The following MAPK4 variants were observed in gnomAD, a reference collection of about 807,000 sequenced individuals.
MAPK4 encodes Erk3-related.
A neutral mutation model predicts 47.7 loss-of-function variants in MAPK4; 22 were observed. That is an observed-to-expected ratio of 0.46 (90% CI 0.33 to 0.66). MAPK4 has a LOEUF of 0.66. MAPK4 is among the 30% of genes least tolerant of loss of function. The pLI, the probability that MAPK4 is intolerant of heterozygous loss-of-function variation, is 0.02. For synonymous variants in MAPK4, 390 were observed against 365.7 expected (o/e 1.07, Z -0.76); for missense variants, 736 against 831.7 (o/e 0.88, Z 1.42).
intron 4 of MAPK4, among the ~76,000 whole-genome samples, chr18:50,724,302 G>A (rs796103612): frequency 1.8e-4 from 27 of 152,268 alleles, no homozygotes; most frequent in African/African-American, 6.3e-4. Flanking sequence ...TCCTGCCTTG[G>A]CCTCCCAAAG....
At chr18:50,671,884 T>C (rs1907975629) in intron 2 of MAPK4, among the ~76,000 whole-genome samples, 1 of 142,916 alleles carries the variant, frequency 7.0e-6, no homozygotes, top group Admixed American at 7.0e-5. Flanking sequence ...AGTGAGACCC[T>C]GACTCAAAAA....
Position 50,582,765 on chromosome 18 carries a change from A to G in MAPK4, c.-871+22522A>G, listed in dbSNP as rs116331578. ...CTGTGCTCAGCTCCTAGCTGGATTG[A>G]GCATGACACGAGCAGCTTCCATGTT... On this transcript the variant is annotated intron_variant, in intron 1 of 5. Transcript: ENST00000400384. Among the ~76,000 whole-genome samples the G allele has an allele frequency of 9.3e-3, 1,420 of 152,310 alleles. 19 individuals carry two copies. Among genetic ancestry groups the G allele is most frequent in the African/African-American group, 0.032 (1,317 of 41,566 alleles).
At chr18:50,577,444 G>A (rs1568032875) in intron 1 of MAPK4, among the ~76,000 whole-genome samples, 2 of 152,224 alleles carry the variant, frequency 1.3e-5, no homozygotes, top group South Asian at 2.1e-4. Context: ...CCGATGTCTG[G>A]GTCTCACTCC....
At chr18:50,699,810 C>T (rs887860480) in intron 2 of MAPK4, among the ~76,000 whole-genome samples, 4 of 152,086 alleles carry the variant, frequency 2.6e-5, no homozygotes, top group African/African-American at 9.7e-5. Flanking sequence ...TCAGAAAAGC[C>T]CTGCATTTGT....
chr18:50,596,475 C>A (rs1017392165), intron 1 of MAPK4, among the ~76,000 whole-genome samples: 3 of 152,166 alleles, frequency 2.0e-5, no homozygotes, highest in Admixed American at 1.3e-4. Context: ...CATGAGAATT[C>A]TCTTGTGGGA....
At chr18:50,689,736 A>T (rs1044999853) in intron 2 of MAPK4, among the ~76,000 whole-genome samples, 1 of 151,968 alleles carries the variant, frequency 6.6e-6, no homozygotes, top group Non-Finnish European at 1.5e-5. Context: ...ACAAAATTTT[A>T]AAAAAGGGGG....
chr18:50,634,350 C>T (rs1015687292), intron 1 of MAPK4, among the ~76,000 whole-genome samples: 3 of 142,678 alleles, frequency 2.1e-5, no homozygotes, highest in African/African-American at 5.3e-5. Context: ...AATTGAGGAA[C>T]GCATGCTCTC....
intron 1 of MAPK4, among the ~76,000 whole-genome samples, chr18:50,599,022 T>C (rs2042510681): frequency 6.6e-6 from 1 of 152,230 alleles, no homozygotes; most frequent in Admixed American, 6.5e-5. Flanking sequence ...CTGAAGTTAT[T>C]ATTTTTCTCT....
intron 2 of MAPK4, among the ~76,000 whole-genome samples, chr18:50,674,133 T>C (rs1021379683): frequency 6.6e-6 from 1 of 152,112 alleles, no homozygotes; most frequent in African/African-American, 2.4e-5. Flanking sequence ...TCTCAGAGGG[T>C]GTTTTCAGTC....
chr18:50,612,951 G>A (rs2042652849), intron 1 of MAPK4, among the ~76,000 whole-genome samples: 1 of 152,140 alleles, frequency 6.6e-6, no homozygotes, highest in African/African-American at 2.4e-5. Context: ...AGAAACATAA[G>A]GCCCTGGATG....
chr18:50,575,750 A>C (rs1449084100), intron 1 of MAPK4, among the ~76,000 whole-genome samples: 2 of 151,584 alleles, frequency 1.3e-5, no homozygotes, highest in African/African-American at 4.8e-5. Flanking sequence ...AGGTCTATCA[A>C]TAATATCCAG....
intron 2 of MAPK4, among the ~76,000 whole-genome samples, chr18:50,686,418 C>A (rs140533234): frequency 5.3e-5 from 8 of 152,340 alleles, no homozygotes; most frequent in African/African-American, 9.6e-5. Flanking sequence ...TTAGCCAGAG[C>A]ACTAAACTGC....
At chr18:50,591,502 G>A (rs1476557449) in intron 1 of MAPK4, among the ~76,000 whole-genome samples, 1 of 150,556 alleles carries the variant, frequency 6.6e-6, no homozygotes, top group Non-Finnish European at 1.5e-5. Flanking sequence ...TGCAGAATTG[G>A]CTTACTCTAA....
At chr18:50,717,075 C>T (rs1032279673) in intron 3 of MAPK4, among the ~76,000 whole-genome samples, 15 of 152,190 alleles carry the variant, frequency 9.9e-5, no homozygotes, top group African/African-American at 3.6e-4. Flanking sequence ...ATTGGTCCCA[C>T]ATCATTCTGG....
intron 2 of MAPK4, among the ~76,000 whole-genome samples, chr18:50,694,500 A>G (rs1294235187): frequency 6.6e-6 from 1 of 152,222 alleles, no homozygotes; most frequent in African/African-American, 2.4e-5. Flanking sequence ...CCGGAGCCCT[A>G]TGTTAAGCTA....
chr18:50,609,346 C>T (rs1385539755), intron 1 of MAPK4, among the ~76,000 whole-genome samples: 4 of 150,960 alleles, frequency 2.6e-5, no homozygotes, highest in East Asian at 2.0e-4. Context: ...CGGGCGGAGG[C>T]GCCCCCCACC....
chr18:50,564,797 A>T (rs1292714685), intron 1 of MAPK4, among the ~76,000 whole-genome samples: 1 of 152,210 alleles, frequency 6.6e-6, no homozygotes, highest in South Asian at 2.1e-4. Flanking sequence ...CCACAAGATC[A>T]TCCCCGCCTG....
chr18:50,605,941 G>A (rs1257773540), intron 1 of MAPK4, among the ~76,000 whole-genome samples: 1 of 152,064 alleles, frequency 6.6e-6, no homozygotes, highest in Non-Finnish European at 1.5e-5. Flanking sequence ...GAAGAGTCAT[G>A]AGGGCAGACT....
At chr18:50,690,358 C>T (rs1207370165) in intron 2 of MAPK4, among the ~76,000 whole-genome samples, 1 of 152,190 alleles carries the variant, frequency 6.6e-6, no homozygotes, top group African/African-American at 2.4e-5. Context: ...AGTTTAAATG[C>T]AAACCATACC....
Sources: gnomAD v4.1 joint callset for allele counts (sites outside exome capture counted in the v4.1 genomes callset) on GRCh38, gnomAD v4.1.1 for gene constraint, MANE v1.5 for transcripts, NCBI Gene and HGNC (gene_info 2026-07-23, HGNC 2026-07-21) for gene names.